Variants in ZNF14 observed in about 807,000 individuals in gnomAD.
The protein encoded by ZNF14 is zinc finger protein 14, also known as gonadotropin inducible transcription repressor-4.
In ZNF14, 9 loss-of-function variants were observed where a neutral mutation model predicts 11.3. That is an observed-to-expected ratio of 0.80 (90% CI 0.48 to 1.39). The LOEUF is 1.39. Among genes scored for constraint, ZNF14 ranks in the 40% most tolerant of loss-of-function variants. The pLI is 0.00. For synonymous variants in ZNF14, 239 were observed against 245.7 expected, an observed-to-expected ratio of 0.97 and a Z score of 0.25; for missense variants, 711 against 763.9, an observed-to-expected ratio of 0.93 and a Z score of 0.82.
At chr19:19,730,757 A>G (rs551235108) in intron 1 of ZNF14, among the ~76,000 whole-genome samples, 6 of 152,072 alleles carry the variant, frequency 3.9e-5, no homozygotes, top group Admixed American at 3.3e-4. Flanking sequence ...TACTAAAAAT[A>G]CAAAATTAGC....
intron 1 of ZNF14, among the ~76,000 whole-genome samples, chr19:19,730,660 C>T (rs1423835269): frequency 2.6e-5 from 4 of 152,164 alleles, no homozygotes; most frequent in Non-Finnish European, 5.9e-5. Context: ...TGCCTGTAAT[C>T]CCAGCACTTT....
intron 1 of ZNF14, among the ~76,000 whole-genome samples, 176 bp from the exon 2 acceptor site, chr19:19,714,663 A>T (rs185947012): frequency 9.9e-5 from 15 of 151,978 alleles, no homozygotes; most frequent in African/African-American, 3.6e-4. Context: ...TCATGCTGTC[A>T]TGAACACACA....
In ZNF14 at chr19:19,712,283, C is replaced by G; in HGVS notation, c.998G>C (p.Arg333Pro). ...CCCACATTCTTTACATTTATAAGGTCGAGCCCCAGTGTGTATTATTACATG... is the reference window on the plus strand; with the variant it reads ...CCCACATTCTTTACATTTATAAGGTGGAGCCCCAGTGTGTATTATTACATG... ...RAHVIIHTGA[R>P]PYKCKECGKA... Residue 333 changes from arginine to proline, a missense_variant, in exon 4 of 4, where the codon CGA becomes CCA. Coordinates refer to ENST00000344099, the MANE Select transcript of ZNF14 (RefSeq NM_021030.3). 6.2e-7 allele frequency: 1 copy of G among 1,613,586 alleles called. No homozygotes were observed. Among genetic ancestry groups the G allele is most frequent in the Non-Finnish European group, 8.5e-7 (1 of 1,179,920 alleles).
Position 19,728,528 on chromosome 19 carries a change from A to AC in ZNF14, c.3+4427_3+4428insG, listed in dbSNP as rs1353502175. On this transcript the variant is annotated intron_variant, in intron 1 of 3. Transcript: ENST00000344099. ...GAAACTCCGTCTCAAAAAAAAAAAA[A>AC]AAAAAAAACATATACTGGAAGAACT... Among the ~76,000 whole-genome samples the AC allele has an allele frequency of 3.9e-5, 5 of 129,516 alleles. 1 individual carries two copies. Among genetic ancestry groups the AC allele is most frequent in the Non-Finnish European group, 1.7e-5 (1 of 58,904 alleles). The allele number at this position is 129,516 out of a possible 152,430, so 85.0% of individuals were successfully genotyped here. A position where few individuals can be genotyped will look rare whatever the true frequency, so the allele number is the denominator to read the frequency against.
Position 19,711,898 on chromosome 19 carries a change from A to G in ZNF14, c.1383T>C (p.Tyr461=), listed in dbSNP as rs952260584. Residue 461 remains tyrosine (Y), a synonymous_variant, in exon 4 of 4, where the codon TAT becomes TAC. Coordinates refer to ENST00000344099, the MANE Select transcript of ZNF14 (RefSeq NM_021030.3). ...TGTGTGACCTTTCATGAATTCGAAA[A>G]TAACTTGAACACCTGAAGGCTTTCC... ...QCGKAFRCSS[Y]FRIHERSHTG... 1.2e-6 allele frequency: 2 copies of G among 1,613,286 alleles called. No individual in the cohort carries two copies. The highest frequency in any genetic ancestry group is 1.7e-6 in the Non-Finnish European group (2 of 1,179,792).
chr19:19,732,145 A>C (rs1427573698), intron 1 of ZNF14, among the ~76,000 whole-genome samples: 1 of 152,224 alleles, frequency 6.6e-6, no homozygotes, highest in Admixed American at 6.5e-5. Context: ...ACTCCAACAT[A>C]GGCGAAATCT....
Position 19,714,142 on chromosome 19 carries a change from C to T in ZNF14, c.140G>A (p.Trp47Ter). Reference sequence around the variant, plus strand: ...GTCATCTTCAATGTCCTGGTCTTCCCACTTTTTTCCTAAAATGCATACCCA... The same window carrying T: ...GTCATCTTCAATGTCCTGGTCTTCCTACTTTTTTCCTAAAATGCATACCCA... ...FKNLVCLGKK[W>*]EDQDIEDDHR... The change falls in exon 3 of 4, where the codon TGG (tryptophan) becomes TAG (stop). Residue 47 changes from tryptophan (W) to a stop codon, truncating the protein, a stop_gained. Transcript: ENST00000344099. LOFTEE classifies it high-confidence loss of function. 1.2e-6 allele frequency: 2 copies of T among 1,612,880 alleles called. No individual in the cohort carries two copies. The highest frequency in any genetic ancestry group is 1.1e-5 in the South Asian group (1 of 90,588).
At chr19:19,719,969 G>A (rs2062388136) in intron 1 of ZNF14, among the ~76,000 whole-genome samples, 1 of 152,168 alleles carries the variant, frequency 6.6e-6, no homozygotes, top group African/African-American at 2.4e-5. Flanking sequence ...TTCACATCCT[G>A]GAAATCTCAG....
chr19:19,731,176 A>T (rs2062422112), intron 1 of ZNF14, among the ~76,000 whole-genome samples: 1 of 152,230 alleles, frequency 6.6e-6, no homozygotes, highest in Admixed American at 6.5e-5. Context: ...TATTTTATAC[A>T]AAAATAATTA....
intron 1 of ZNF14, among the ~76,000 whole-genome samples, chr19:19,719,296 G>A (rs2062385919): frequency 6.6e-6 from 1 of 152,110 alleles, no homozygotes; most frequent in Non-Finnish European, 1.5e-5. Context: ...ATAAAGAAGG[G>A]TATTAGAGAA....
chr19:19,715,140 T>C (rs1382702751), intron 1 of ZNF14, among the ~76,000 whole-genome samples: 2 of 152,240 alleles, frequency 1.3e-5, no homozygotes, highest in Non-Finnish European at 2.9e-5. Context: ...TAATCCCTTG[T>C]GAGAAAAACT....
At position 19,712,391 on chromosome 19, in the gene ZNF14, T is replaced by C. The variant is rs770580616; in HGVS notation, c.890A>G (p.His297Arg). Residue 297 changes from histidine (H) to arginine (R), a missense_variant, in exon 4 of 4, where the codon CAT (histidine) becomes CGT (arginine). Physicochemically the swap from His to Arg is conservative, Grantham distance 29. Transcript: ENST00000344099. ...AFSFLSSFRR[H>R]KRTHSGEKPY... Reference sequence around the variant, plus strand: ...TTTCTCTCCACTATGAGTCCTTTTATGCCTTCGAAAAGAACTGAGAAAACT... The same window carrying C: ...TTTCTCTCCACTATGAGTCCTTTTACGCCTTCGAAAAGAACTGAGAAAACT... 2 of 1,610,504 alleles carry C rather than the reference T, an allele frequency of 1.2e-6. No homozygotes were observed. Among genetic ancestry groups the C allele is most frequent in the South Asian group, 1.1e-5 (1 of 90,336 alleles).
chr19:19,721,373 A>T (rs1359443987), intron 1 of ZNF14, among the ~76,000 whole-genome samples: 1 of 152,238 alleles, frequency 6.6e-6, no homozygotes, highest in Non-Finnish European at 1.5e-5. Flanking sequence ...TCTATCTCCC[A>T]GCAGGACATC....
rs71172526 is a variant in ZNF14, at chr19:19,713,748, C to CTTTTTTTTTTTTTTTTTTTTTTT, written c.191+342_191+343insAAAAAAAAAAAAAAAAAAAAAAA. Among the ~76,000 whole-genome samples the CTTTTTTTTTTTTTTTTTTTTTTT allele has an allele frequency of 2.5e-5, 3 of 120,208 alleles. 1 individual carries two copies. Among genetic ancestry groups the CTTTTTTTTTTTTTTTTTTTTTTT allele is most frequent in the Non-Finnish European group, 1.8e-5 (1 of 57,058 alleles). The allele number at this position is 120,208 out of a possible 152,430, so 78.9% of individuals were successfully genotyped here. On this transcript the variant is annotated intron_variant, in intron 3 of 3. Coordinates refer to ENST00000344099, the MANE Select transcript of ZNF14 (RefSeq NM_021030.3). ...ACAGGCATGAGCCACTGTGCCAGGC[C>CTTTTTTTTTTTTTTTTTTTTTTT]TTTTTTTTTTTTTTTCCCCAGATGA...
At position 19,720,527 on chromosome 19, in the gene ZNF14, G is replaced by A. The variant is rs553492271; in HGVS notation, c.4-6040C>T. ...GGCTAATTTTTTTGTATTTTTAGTAGAGACGGGGTTTCGCCATGTTGGCCA... is the reference window on the plus strand; with the variant it reads ...GGCTAATTTTTTTGTATTTTTAGTAAAGACGGGGTTTCGCCATGTTGGCCA... On this transcript the variant is annotated intron_variant, in intron 1 of 3. Transcript: ENST00000344099. The surrounding 1 kb of genome is among the most constrained non-coding windows in gnomAD (Gnocchi z 4.1). 2.0e-4 allele frequency among the ~76,000 whole-genome samples: 30 copies of A among 152,022 alleles called. No homozygotes were observed. In the South Asian group the frequency reaches 5.2e-3, roughly 26 times the overall value.
At chr19:19,728,495 G>A (rs1300526433) in intron 1 of ZNF14, among the ~76,000 whole-genome samples, 4 of 63,374 alleles carry the variant, frequency 6.3e-5, no homozygotes, top group Admixed American at 5.1e-4. Flanking sequence ...CAGACTGTGC[G>A]AAAGTGCGAA....
intron 1 of ZNF14, among the ~76,000 whole-genome samples, chr19:19,731,216 C>T (rs2062422235): frequency 6.6e-6 from 1 of 152,158 alleles, no homozygotes; most frequent in Non-Finnish European, 1.5e-5. Context: ...CTATATACTA[C>T]ACCTTTCAGG....
At chr19:19,716,370 C>A (rs2062377968) in intron 1 of ZNF14, among the ~76,000 whole-genome samples, 1 of 152,154 alleles carries the variant, frequency 6.6e-6, no homozygotes, top group Admixed American at 6.5e-5. Context: ...CTCACTGCAA[C>A]CTTCGCCTCC....
At chr19:19,729,051 G>A (rs1221247612) in intron 1 of ZNF14, among the ~76,000 whole-genome samples, 5 of 152,132 alleles carry the variant, frequency 3.3e-5, no homozygotes, top group Middle Eastern at 3.4e-3. Context: ...ATCTCAGCTC[G>A]CCGCAACCTC....
Sources: allele counts gnomAD v4.1 joint callset (sites outside exome capture counted in the v4.1 genomes callset), GRCh38; gene constraint gnomAD v4.1.1; non-coding constraint Gnocchi (gnomAD v3.1); transcripts MANE v1.5; gene names NCBI Gene and HGNC (gene_info 2026-07-23, HGNC 2026-07-21).